ETFBKMT: variants seen among roughly 807,000 people sequenced by gnomAD.
ETFBKMT encodes electron transfer flavoprotein beta subunit lysine methyltransferase.
Under a neutral mutation model 18.3 loss-of-function variants are expected in ETFBKMT, and 13 were observed. The observed-to-expected ratio is 0.71, with a 90% CI of 0.46 to 1.13. ETFBKMT has a LOEUF of 1.13. Ranked by LOEUF, ETFBKMT falls within the 50% of genes most tolerant of loss-of-function variation. The pLI, the probability that ETFBKMT is intolerant of heterozygous loss-of-function variation, is 0.00. For missense variants in ETFBKMT, 293 were observed against 306.2 expected (o/e 0.96, Z 0.32); for synonymous variants, 84 against 107.9 (o/e 0.78, Z 1.37).
rs922996349 is a variant in ETFBKMT at position 31,671,633 on chromosome 12, G to A, written c.*3643G>A. 2.6e-5 allele frequency: 4 copies of A among 152,108 alleles called. No homozygotes were observed. The highest frequency in any genetic ancestry group is 5.9e-5 in the Non-Finnish European group (4 of 68,014). The allele number at this position is 152,108 out of a possible 1,614,324, so 9.4% of individuals were successfully genotyped here. A position where few individuals can be genotyped will look rare whatever the true frequency, so the allele number is the denominator to read the frequency against. On this transcript the variant is annotated 3_prime_UTR_variant, in exon 4 of 4. Coordinates refer to ENST00000357721, the MANE Select transcript of ETFBKMT (RefSeq NM_001135863.2). The stretch of plus-strand genomic sequence containing the variant: ...TTTACACATTTTTGAATGCAATTTT[G>A]CTAAGGAAGGAAAGCTTACAGATGC...
At chr12:31,647,323 G>A (rs1271121354) in intron 1 of ETFBKMT, 1 of 152,150 alleles carries the variant, frequency 6.6e-6, no homozygotes, top group African/African-American at 2.4e-5. Flanking sequence ...CCCTGCCTTT[G>A]GCTCGTGCTT....
At chr12:31,656,793 G>A (rs1274291869), upstream of ETFBKMT, among the ~76,000 whole-genome samples, 6 of 152,010 alleles carry the variant, frequency 3.9e-5, no homozygotes, top group Admixed American at 1.3e-4. Context: ...GTCTTGCCCC[G>A]CCTTTAACTC....
At chr12:31,662,505 CTTT>C (rs35366747) in intron 2 of ETFBKMT, among the ~76,000 whole-genome samples, 1,416 of 128,824 alleles carry the variant, frequency 0.011, 24 homozygotes, top group African/African-American at 0.038. Flanking sequence ...TTCTTTCTTT[CTTT>C]TTTTTTTTTT....
At chr12:31,659,333 T>C (rs1951090667), upstream of ETFBKMT, 1 of 152,262 alleles carries the variant, frequency 6.6e-6, no homozygotes, top group Admixed American at 6.5e-5. Context: ...CCCTATGCTT[T>C]ACTTCCGAGG....
At position 31,672,203 on chromosome 12, in the gene ETFBKMT, A is replaced by G; in HGVS notation, c.*4213A>G. ...TAACTTAAGACAATAAAATAATTAAAAATAGTGTTAACATTAAGTAGAATG... is the reference window on the plus strand; with the variant it reads ...TAACTTAAGACAATAAAATAATTAAGAATAGTGTTAACATTAAGTAGAATG... On this transcript the variant is annotated 3_prime_UTR_variant, in exon 4 of 4. Coordinates refer to ENST00000357721, the MANE Select transcript of ETFBKMT (RefSeq NM_001135863.2). The G allele has an allele frequency of 1.3e-6, 1 of 768,884 alleles. No individual in the cohort carries two copies. Among genetic ancestry groups the G allele is most frequent in the South Asian group, 1.7e-5 (1 of 59,794 alleles). The allele number at this position is 768,884 out of a possible 1,614,324, so 47.6% of individuals were successfully genotyped here. A position where few individuals can be genotyped will look rare whatever the true frequency, so the allele number is the denominator to read the frequency against.
At chr12:31,656,451 G>A (rs1250153318), upstream of ETFBKMT, among the ~76,000 whole-genome samples, 1 of 152,140 alleles carries the variant, frequency 6.6e-6, no homozygotes. Flanking sequence ...ATCAGCATGG[G>A]CCAGGAAAGC....
At chr12:31,666,281 A>G in intron 3 of ETFBKMT, 64 bp downstream of exon 3, 1 of 1,509,080 alleles carries the variant, frequency 6.6e-7, no homozygotes, top group Non-Finnish European at 9.0e-7. Context: ...ATAAATATGT[A>G]CACATGCTCA....
intron 1 of ETFBKMT, among the ~76,000 whole-genome samples, chr12:31,647,502 T>G (rs1213756150): frequency 6.6e-6 from 1 of 152,020 alleles, no homozygotes; most frequent in East Asian, 1.9e-4. Flanking sequence ...AAAACAGAGG[T>G]CATAATAGTA....
Position 31,661,937 on chromosome 12 carries a change from GT to G in ETFBKMT, c.-14del. 6.2e-7 allele frequency: 1 copy of G among 1,609,712 alleles called. No homozygotes were observed. On this transcript the variant is annotated 5_prime_UTR_variant, in exon 2 of 4. Transcript: ENST00000357721. ...TCAACAGAACATTGACAGAACCTGT[GT>G]TTGGGGAAAGGACTGATGGCTTTGA...
intron 1 of ETFBKMT, among the ~76,000 whole-genome samples, chr12:31,649,224 G>A (rs1950995118): frequency 6.6e-6 from 1 of 152,204 alleles, no homozygotes; most frequent in South Asian, 2.1e-4. Context: ...TATACATGCT[G>A]TTCAGTACAG....
intron 1 of ETFBKMT, 85 bp downstream of exon 1, chr12:31,659,874 C>G (rs1229117291): frequency 6.6e-6 from 1 of 151,046 alleles, no homozygotes; most frequent in Admixed American, 6.6e-5. Context: ...GCTGGCCGGG[C>G]GTGGTGGCTC....
chr12:31,650,786 GCT>G (rs879869317), intron 1 of ETFBKMT, among the ~76,000 whole-genome samples: 1 of 152,124 alleles, frequency 6.6e-6, no homozygotes, highest in Non-Finnish European at 1.5e-5. Flanking sequence ...ATTATTTCAA[GCT>G]GAAGGTACTT....
intron 1 of ETFBKMT, among the ~76,000 whole-genome samples, chr12:31,653,904 C>T (rs571508548): frequency 2.2e-4 from 33 of 151,626 alleles, no homozygotes; most frequent in South Asian, 1.9e-3. Context: ...GCTGAGATAG[C>T]GCTACTGCAC....
At chr12:31,657,999 TC>T (rs1951076673), upstream of ETFBKMT, among the ~76,000 whole-genome samples, 2 of 152,138 alleles carry the variant, frequency 1.3e-5, no homozygotes, top group Non-Finnish European at 2.9e-5. Context: ...GAATGAGTTA[TC>T]CAAACATTAT....
At chr12:31,655,017 C>T (rs1299509903), upstream of ETFBKMT, among the ~76,000 whole-genome samples, 2 of 150,438 alleles carry the variant, frequency 1.3e-5, no homozygotes, top group East Asian at 3.9e-4. Flanking sequence ...GATCGCGCCA[C>T]TGCACTCCAG....
chr12:31,652,179 C>G (rs1951023623), intron 1 of ETFBKMT, among the ~76,000 whole-genome samples: 1 of 152,174 alleles, frequency 6.6e-6, no homozygotes, highest in Non-Finnish European at 1.5e-5. Flanking sequence ...CTATAAACTT[C>G]GGCGCATCCA....
chr12:31,667,458 G>T (rs1215856072), intron 3 of ETFBKMT, among the ~76,000 whole-genome samples, 189 bp from the exon 4 acceptor site: 2 of 152,188 alleles, frequency 1.3e-5, no homozygotes, highest in Non-Finnish European at 2.9e-5. Flanking sequence ...AGGATATCCA[G>T]TCATGTATTT....
Position 31,661,856 on chromosome 12 carries a change from T to A in ETFBKMT, c.-98T>A. ...TTTTTTTCAGAGTCAGAGGTTCCGG[T>A]TGAGATCAAGTTGGGAGACACACCC... is the stretch of plus-strand genomic sequence containing the variant. On this transcript the variant is annotated 5_prime_UTR_variant, in exon 2 of 4. It adds an upstream start codon to the 5' untranslated region. Transcript: ENST00000357721. 1 of 1,091,250 alleles carries A rather than the reference T, an allele frequency of 9.2e-7. No homozygotes were observed. Among genetic ancestry groups the A allele is most frequent in the Admixed American group, 2.2e-5 (1 of 44,542 alleles). 67.6% of individuals were successfully genotyped at this position (1,091,250 alleles called of 1,614,324 possible).
chr12:31,669,012 T>C lies in ETFBKMT; in HGVS notation c.*1022T>C, dbSNP rs1951233141. 1 of 152,230 alleles carries C rather than the reference T, an allele frequency of 6.6e-6. No individual in the cohort carries two copies. The highest frequency in any genetic ancestry group is 6.5e-5 in the Admixed American group (1 of 15,274). 9.4% of individuals were successfully genotyped at this position (152,230 alleles called of 1,614,324 possible). On this transcript the variant is annotated 3_prime_UTR_variant, in exon 4 of 4. Coordinates refer to ENST00000357721, the MANE Select transcript of ETFBKMT (RefSeq NM_001135863.2). ...TTTCTTTTCAGACTGTTTTTTTGTC[T>C]TTTAGCATGCCTTGTAATTTTTTGT...
Sources: allele counts gnomAD v4.1 joint callset (sites outside exome capture counted in the v4.1 genomes callset), GRCh38; gene constraint gnomAD v4.1.1; transcripts MANE v1.5; gene names NCBI Gene and HGNC (gene_info 2026-07-23, HGNC 2026-07-21).